ROBO2: variants seen among roughly 807,000 people sequenced by gnomAD.
ROBO2 encodes the protein roundabout homolog 2.
In ROBO2, 53 loss-of-function variants were observed where a neutral mutation model predicts 160.8. The observed-to-expected ratio is 0.33, with a 90% CI of 0.26 to 0.41. ROBO2 has a LOEUF of 0.41. ROBO2 is among the 10% of genes least tolerant of loss of function. The probability of loss-of-function intolerance (pLI) is 1.00; values close to 1 mark genes in which losing one functional copy is unlikely to be tolerated. For synonymous variants in ROBO2, 664 were observed against 611.7 expected, an observed-to-expected ratio of 1.09 and a Z score of -1.26; for missense variants, 1,577 against 1,722.4, an observed-to-expected ratio of 0.92 and a Z score of 1.49.
intron 2 of ROBO2, among the ~76,000 whole-genome samples, chr3:76,714,672 C>T (rs1271065351): frequency 1.3e-5 from 2 of 152,142 alleles, no homozygotes; most frequent in Non-Finnish European, 2.9e-5. Flanking sequence ...CTGGACTCAA[C>T]ACATTTCAGT....
Position 77,215,881 on chromosome 3 carries a change from G to T in ROBO2, c.388+117541G>T, listed in dbSNP as rs183843581. On this transcript the variant is annotated intron_variant, in intron 2 of 25. Coordinates refer to ENST00000461745, the Ensembl canonical transcript of ROBO2. ...GTTTGCCTAGGTATCAGCAGCGGAGGCTGCAGAACAGCAGATATTGGTGAA... is the reference window on the plus strand; with the variant it reads ...GTTTGCCTAGGTATCAGCAGCGGAGTCTGCAGAACAGCAGATATTGGTGAA... 3.3e-4 allele frequency among the ~76,000 whole-genome samples: 51 copies of T among 152,308 alleles called. 1 individual carries two copies. The highest frequency in any genetic ancestry group is 3.4e-3 in the Middle Eastern group (1 of 294).
rs1324326426 is a variant in ROBO2 at position 75,934,134 on chromosome 3, G to A, written c.-13-3347G>A. On this transcript the variant is annotated intron_variant, in intron 1 of 26. Transcript: ENST00000487694. ...TTTTGCCTTGTGACCTTAAACATTT[G>A]AAAGACCAAGATGAACACTATTGAA... Among the ~76,000 whole-genome samples the A allele has an allele frequency of 2.0e-5, 3 of 152,216 alleles. 1 individual carries two copies. Among genetic ancestry groups the A allele is most frequent in the Admixed American group, 2.0e-4 (3 of 15,288 alleles).
intron 2 of ROBO2, among the ~76,000 whole-genome samples, chr3:76,900,549 GAAA>G (rs994266686): frequency 2.6e-5 from 4 of 152,136 alleles, no homozygotes; most frequent in African/African-American, 9.7e-5. Flanking sequence ...CATAGTCCTT[GAAA>G]AGGGTAAGAA....
chr3:77,373,790 CTT>C (rs2072176256), intron 2 of ROBO2, among the ~76,000 whole-genome samples: 1 of 150,096 alleles, frequency 6.7e-6, no homozygotes, highest in Non-Finnish European at 1.5e-5. Context: ...CTACCTTGCT[CTT>C]GTCTGAGCCT....
chr3:76,621,646 T>G (rs2109261680), intron 2 of ROBO2, among the ~76,000 whole-genome samples: 1 of 152,338 alleles, frequency 6.6e-6, no homozygotes, highest in Admixed American at 6.5e-5. Flanking sequence ...ACTTCATATG[T>G]GTTACTGTGA....
chr3:75,995,706 C>T (rs2065708193), intron 2 of ROBO2, among the ~76,000 whole-genome samples: 2 of 152,094 alleles, frequency 1.3e-5, no homozygotes, highest in Admixed American at 1.3e-4. Context: ...CCAGGGAAAG[C>T]TGCAGACACT....
intron 2 of ROBO2, among the ~76,000 whole-genome samples, chr3:77,191,260 G>GT (rs2081819360): frequency 6.6e-6 from 1 of 152,020 alleles, no homozygotes; most frequent in Non-Finnish European, 1.5e-5. Context: ...AATCGGTATT[G>GT]TAAGTTTACC....
intron 2 of ROBO2, among the ~76,000 whole-genome samples, chr3:76,934,337 A>G (rs1026213455): frequency 1.1e-4 from 17 of 152,148 alleles, no homozygotes; most frequent in Admixed American, 5.9e-4. Flanking sequence ...GAAATGTTGG[A>G]ATATCATAGT....
intron 2 of ROBO2, among the ~76,000 whole-genome samples, chr3:77,360,872 G>T (rs2069874227): frequency 7.1e-6 from 1 of 141,266 alleles, no homozygotes. Flanking sequence ...GGGACTTGAG[G>T]TGGGTGCTAA....
chr3:76,242,236 G>A (rs1483671531), intron 2 of ROBO2, among the ~76,000 whole-genome samples: 1 of 151,908 alleles, frequency 6.6e-6, no homozygotes, highest in Non-Finnish European at 1.5e-5. Flanking sequence ...TTACATTATG[G>A]ATCTGTGCAC....
intron 21 of ROBO2, among the ~76,000 whole-genome samples, chr3:77,614,514 A>G (rs1230103713): frequency 6.6e-6 from 1 of 152,172 alleles, no homozygotes; most frequent in Non-Finnish European, 1.5e-5. Flanking sequence ...TTAGGAGGAA[A>G]TATTCCTATC....
chr3:76,603,350 AAATATATATATAT>A (rs1437251100), intron 2 of ROBO2, among the ~76,000 whole-genome samples: 1 of 63,242 alleles, frequency 1.6e-5, no homozygotes, highest in Non-Finnish European at 2.9e-5. Flanking sequence ...AAAAAAAAAA[AAATATATATATAT>A]ATATATATAT....
At chr3:76,268,806 A>G (rs937018097) in intron 2 of ROBO2, among the ~76,000 whole-genome samples, 7 of 152,130 alleles carry the variant, frequency 4.6e-5, no homozygotes, top group Non-Finnish European at 8.8e-5. Flanking sequence ...CCTCTTTAGT[A>G]GTAAGGCAAC....
intron 2 of ROBO2, among the ~76,000 whole-genome samples, chr3:76,654,998 G>A (rs1318653673): frequency 2.0e-5 from 3 of 149,316 alleles, no homozygotes; most frequent in Non-Finnish European, 3.0e-5. Context: ...ATATTCACTT[G>A]ATTTCACAAC....
intron 2 of ROBO2, among the ~76,000 whole-genome samples, chr3:76,305,559 G>C (rs2071302778): frequency 6.6e-6 from 1 of 151,960 alleles, no homozygotes; most frequent in South Asian, 2.1e-4. Flanking sequence ...AGGAGTTCAA[G>C]ACCAGCCTAG....
intron 2 of ROBO2, among the ~76,000 whole-genome samples, chr3:76,709,401 G>A (rs1053738417): frequency 6.6e-6 from 1 of 152,158 alleles, no homozygotes; most frequent in Admixed American, 6.5e-5. Flanking sequence ...AGGAAGAAAG[G>A]GTAGGGATTT....
chr3:76,661,430 G>T (rs973130111), intron 2 of ROBO2, among the ~76,000 whole-genome samples: 1 of 152,158 alleles, frequency 6.6e-6, no homozygotes, highest in Non-Finnish European at 1.5e-5. Context: ...ACATACCCAT[G>T]ACACAACCTC....
At chr3:76,408,277 C>A (rs1008637498) in intron 2 of ROBO2, among the ~76,000 whole-genome samples, 1 of 151,980 alleles carries the variant, frequency 6.6e-6, no homozygotes, top group Non-Finnish European at 1.5e-5. Context: ...GCTCAGTTGG[C>A]ATGGGTAACA....
chr3:76,898,117 A>G (rs891084289), intron 2 of ROBO2, among the ~76,000 whole-genome samples: 1 of 152,144 alleles, frequency 6.6e-6, no homozygotes, highest in African/African-American at 2.4e-5. Flanking sequence ...AGCAGCTATT[A>G]CATATTGATG....
Sources: allele counts gnomAD v4.1 joint callset (sites outside exome capture counted in the v4.1 genomes callset), GRCh38; gene constraint gnomAD v4.1.1; transcripts MANE v1.5; gene names NCBI Gene and HGNC (gene_info 2026-07-23, HGNC 2026-07-21).